PKD1L1: variants seen among roughly 807,000 people sequenced by gnomAD.
PKD1L1 encodes polycystin 1 like 1, transient receptor potential channel interacting, also known as polycystin-1-like protein 1.
Under a neutral mutation model 323.4 loss-of-function variants are expected in PKD1L1, and 236 were observed. The ratio of observed to expected loss-of-function variants is 0.73; its 90% CI spans 0.66 to 0.81. The LOEUF (loss-of-function observed/expected upper bound fraction) is 0.81, where lower values mean the gene tolerates loss of function less well. PKD1L1 is among the 40% of genes least tolerant of loss of function. PKD1L1 has a pLI of 0.00. For synonymous variants in PKD1L1, 1,344 were observed against 1,335.0 expected, an observed-to-expected ratio of 1.01 and a Z score of -0.15; for missense variants, 3,320 against 3,508.0, an observed-to-expected ratio of 0.95 and a Z score of 1.35.
upstream of PKD1L1, among the ~76,000 whole-genome samples, chr7:47,949,368 CA>C (rs58131581): frequency 2.7e-3 from 156 of 57,124 alleles, 1 homozygote; most frequent in African/African-American, 5.4e-3. Context: ...GGCTCTGTCT[CA>C]AAAAAAAAAA....
rs546252390 is a variant in PKD1L1, at chr7:47,890,476, G to A, written c.2675+66C>T. On this transcript the variant is annotated intron_variant, in intron 16 of 56. Transcript: ENST00000289672. The stretch of plus-strand genomic sequence containing the variant: ...GCTGTGCACAGCAGATTCCTTTCAC[G>A]GATGCTAGCACCAGGTGGGAACAAA... The A allele has an allele frequency of 9.8e-5, 148 of 1,505,514 alleles. No individual in the cohort carries two copies. The Middle Eastern group carries it at 2.6e-3, about 27-fold the overall frequency. The allele number at this position is 1,505,514 out of a possible 1,614,324, so 93.3% of individuals were successfully genotyped here.
chr7:47,842,183 T>C (rs1785575623), intron 34 of PKD1L1, among the ~76,000 whole-genome samples: 3 of 152,208 alleles, frequency 2.0e-5, no homozygotes, highest in Non-Finnish European at 4.4e-5. Flanking sequence ...TATACATGTA[T>C]GTTTATCTGA....
chr7:47,893,518 A>C (rs1333515964), intron 15 of PKD1L1, among the ~76,000 whole-genome samples: 1 of 152,136 alleles, frequency 6.6e-6, no homozygotes, highest in African/African-American at 2.4e-5. Context: ...CAAGGGCTGA[A>C]CTGGGGGCAG....
At chr7:47,937,062 GCTGTGCGCCCAGCA>G in intron 3 of PKD1L1, 104 bp from the exon 4 acceptor site, 4 of 859,990 alleles carry the variant, frequency 4.7e-6, no homozygotes, top group Non-Finnish European at 7.4e-6. Flanking sequence ...GTGGACCCCT[GCTGTGCGCCCAGCA>G]CTGTGCTGGG....
intron 2 of PKD1L1, among the ~76,000 whole-genome samples, chr7:47,943,157 AAAAAAAAT>A (rs1482447676): frequency 6.1e-5 from 4 of 65,482 alleles, no homozygotes; most frequent in African/African-American, 2.4e-4. Flanking sequence ...AAAAAAAAAA[AAAAAAAAT>A]ATATATATAT....
chr7:47,791,414 A>G (rs1786944845), intron 56 of PKD1L1, among the ~76,000 whole-genome samples: 1 of 145,456 alleles, frequency 6.9e-6, no homozygotes, highest in Non-Finnish European at 1.5e-5. Flanking sequence ...TTTTTATTTC[A>G]TCTTGGAGTT....
chr7:47,885,503 A>G (rs1251172487), intron 18 of PKD1L1, among the ~76,000 whole-genome samples, 183 bp downstream of exon 18: 1 of 152,132 alleles, frequency 6.6e-6, no homozygotes, highest in Non-Finnish European at 1.5e-5. Context: ...CAGTTCAGAG[A>G]TGAGGAATCC....
chr7:47,883,589 TTTTC>T (rs1278230860), intron 19 of PKD1L1, among the ~76,000 whole-genome samples: 4 of 152,118 alleles, frequency 2.6e-5, no homozygotes, highest in African/African-American at 4.8e-5. Flanking sequence ...CCTGGGAGTA[TTTTC>T]TTTGTTTTTC....
rs975488085 is a variant in PKD1L1, at chr7:47,943,530, C to A, written c.45-19G>T. 2 of 1,587,646 alleles carry A rather than the reference C, an allele frequency of 1.3e-6. No individual in the cohort carries two copies. The highest frequency in any genetic ancestry group is 2.7e-5 in the African/African-American group (2 of 74,418). ...GAGACACCTAAGGGAAAGAAAATAA[C>A]CAGAGGAAAATTAAATTAAGTACAA... On this transcript the variant is annotated intron_variant, in intron 1 of 56. Coordinates refer to ENST00000289672, the MANE Select transcript of PKD1L1 (RefSeq NM_138295.5).
chr7:47,948,288 G>C (rs189150062), intron 1 of PKD1L1, 109 bp downstream of exon 1: 1 of 1,303,708 alleles, frequency 7.7e-7, no homozygotes, highest in Non-Finnish European at 1.1e-6. Flanking sequence ...GCCTCCACTC[G>C]TGCCAGAGTG....
chr7:47,932,566 C>T (rs747198237), intron 4 of PKD1L1, among the ~76,000 whole-genome samples: 3 of 152,192 alleles, frequency 2.0e-5, no homozygotes, highest in Non-Finnish European at 4.4e-5. Flanking sequence ...GTCAGTTAGC[C>T]GGTCATCTTC....
rs1786540222 is a variant in PKD1L1 at position 47,775,166 on chromosome 7, G to A, written c.8527C>T (p.Pro2843Ser). 6.2e-7 allele frequency: 1 copy of A among 1,613,850 alleles called. No homozygotes were observed. Among genetic ancestry groups the A allele is most frequent in the African/African-American group, 1.3e-5 (1 of 74,986 alleles). ...VDISSYQAAEPADIKDF is the reference protein window; with the variant it reads ...VDISSYQAAESADIKDF ...CCTCAGAAGTCCTTGATGTCTGCTG[G>A]CTAAAAAGAAAAAATGAAAAACATA... is the stretch of plus-strand genomic sequence containing the variant. Residue 2843 changes from proline to serine, a missense_variant and splice_region_variant, in exon 57 of 57, where the codon CCA becomes TCA. Pro to Ser is a moderately conservative substitution (Grantham distance 74). Transcript: ENST00000289672.
At chr7:47,863,882 G>A (rs1786089730) in intron 26 of PKD1L1, among the ~76,000 whole-genome samples, 1 of 152,188 alleles carries the variant, frequency 6.6e-6, no homozygotes, top group South Asian at 2.1e-4. Context: ...ACAAACAAGA[G>A]GCAGCAAGTA....
the PKD1L1 span, among the ~76,000 whole-genome samples, chr7:47,957,685 A>T: frequency 2.0e-5 from 3 of 151,866 alleles, no homozygotes; most frequent in African/African-American, 7.3e-5. Context: ...TTGTAGAGAA[A>T]GGGTTTTGCC....
intron 45 of PKD1L1, among the ~76,000 whole-genome samples, chr7:47,821,495 C>T (rs1041694556): frequency 1.3e-5 from 2 of 152,080 alleles, no homozygotes; most frequent in African/African-American, 4.8e-5. Flanking sequence ...TCTAGAACTC[C>T]TGACCTCAGG....
intron 41 of PKD1L1, among the ~76,000 whole-genome samples, chr7:47,832,318 T>A (rs899043636): frequency 2.6e-5 from 4 of 151,988 alleles, no homozygotes; most frequent in African/African-American, 9.7e-5. Flanking sequence ...TCTGGGAGGG[T>A]CGTCGGTCCT....
Position 47,936,962 on chromosome 7 carries a change from T to C in PKD1L1, c.286-4A>G, listed in dbSNP as rs1787879564. ...CACTAGTTGTTTTCCAAATGTTCTGTAAGAAAAAATAATAAAATAATGTGA... is the reference window on the plus strand; with the variant it reads ...CACTAGTTGTTTTCCAAATGTTCTGCAAGAAAAAATAATAAAATAATGTGA... On this transcript the variant is annotated splice_region_variant and splice_polypyrimidine_tract_variant and intron_variant, in intron 3 of 56. Transcript: ENST00000289672. 6.3e-7 allele frequency: 1 copy of C among 1,590,038 alleles called. No individual in the cohort carries two copies. The highest frequency in any genetic ancestry group is 8.6e-7 in the Non-Finnish European group (1 of 1,165,162).
At chr7:47,795,264 A>G in intron 55 of PKD1L1, 1 of 428,862 alleles carries the variant, frequency 2.3e-6, no homozygotes, top group South Asian at 1.7e-5. Flanking sequence ...AGGTAATTGA[A>G]TCATAGGGGC....
Position 47,829,560 on chromosome 7 carries a change from A to G in PKD1L1, c.6600T>C (p.Ala2200=), listed in dbSNP as rs1264170872. 1 of 1,613,160 alleles carries G rather than the reference A, an allele frequency of 6.2e-7. No individual in the cohort carries two copies. Among genetic ancestry groups the G allele is most frequent in the Non-Finnish European group, 8.5e-7 (1 of 1,179,818 alleles). ...MALGFAWKRR[A]DNHFFTESLC... ...AAGACTCAGTAAAAAAGTGGTTGTC[A>G]GCTCTTCTTTTCCAAGCAAAACCCA... Residue 2200 remains alanine, a synonymous_variant, in exon 44 of 57, where the codon GCT becomes GCC. Transcript: ENST00000289672.
Sources: gnomAD v4.1 joint callset for allele counts (sites outside exome capture counted in the v4.1 genomes callset) on GRCh38, gnomAD v4.1.1 for gene constraint, MANE v1.5 for transcripts, NCBI Gene and HGNC (gene_info 2026-07-23, HGNC 2026-07-21) for gene names.